Variants in DMD observed in about 807,000 individuals in gnomAD.
The protein encoded by DMD is mutant dystrophin.
DMD carries 63 observed loss-of-function variants against 330.1 expected under a neutral mutation model. The ratio of observed to expected loss-of-function variants is 0.19; its 90% CI spans 0.16 to 0.24. The LOEUF is 0.24. Among genes scored for constraint, DMD ranks in the 10% least tolerant of loss-of-function variants. The probability of loss-of-function intolerance (pLI) is 1.00; values close to 1 mark genes in which losing one functional copy is unlikely to be tolerated. For missense variants in DMD, 3,344 were observed against 2,684.1 expected (o/e 1.25, Z -5.43); for synonymous variants, 1,223 against 959.8 (o/e 1.27, Z -5.07).
At chrX:33,104,374 C>T (rs780829240) in intron 1 of DMD, among the ~76,000 whole-genome samples, 3 of 111,390 alleles carry the variant, frequency 2.7e-5, no homozygotes, top group South Asian at 3.8e-4. Context: ...TCCAGATTGC[C>T]GGTTCCTGCC....
At chrX:32,597,638 C>A (rs2055714991) in intron 12 of DMD, among the ~76,000 whole-genome samples, 1 of 111,831 alleles carries the variant, frequency 8.9e-6, no homozygotes, top group Non-Finnish European at 1.9e-5. Flanking sequence ...TCATTTCCCC[C>A]TATTAAGTGA....
chrX:31,904,802 C>CTATG (rs763236797), intron 47 of DMD, among the ~76,000 whole-genome samples: 131 of 111,797 alleles, frequency 1.2e-3, no homozygotes, highest in African/African-American at 4.0e-3. Context: ...TATGGATAAT[C>CTATG]TATGCCTAGA....
intron 52 of DMD, among the ~76,000 whole-genome samples, chrX:31,686,282 C>T (rs771806173): frequency 7.1e-5 from 8 of 112,441 alleles, no homozygotes; most frequent in Non-Finnish European, 1.3e-4. Flanking sequence ...ATTATCCCCA[C>T]TTTCTCTTTA....
intron 1 of DMD, among the ~76,000 whole-genome samples, chrX:33,282,134 G>T (rs973538975): frequency 1.8e-5 from 2 of 110,647 alleles, no homozygotes; most frequent in Non-Finnish European, 3.8e-5. Flanking sequence ...GTATCTCTGG[G>T]TGGGGAAGAG....
chrX:32,338,366 GTC>G (rs1336974844), intron 41 of DMD, among the ~76,000 whole-genome samples: 1 of 109,807 alleles, frequency 9.1e-6, no homozygotes, highest in Admixed American at 9.8e-5. Context: ...ATGAAATATT[GTC>G]TCTTCCCCAT....
intron 1 of DMD, among the ~76,000 whole-genome samples, chrX:33,281,800 C>T (rs776786717): frequency 1.9e-4 from 20 of 106,763 alleles, no homozygotes; most frequent in Non-Finnish European, 3.5e-4. Context: ...GAGTATTTCT[C>T]GTGTTATTGA....
intron 12 of DMD, among the ~76,000 whole-genome samples, chrX:32,598,951 T>C (rs1165159288): frequency 9.0e-6 from 1 of 111,391 alleles, no homozygotes; most frequent in Non-Finnish European, 1.9e-5. Context: ...CGTTGAAGAG[T>C]CCAGAGTGCT....
intron 2 of DMD, among the ~76,000 whole-genome samples, chrX:32,877,154 G>C (rs946804565): frequency 8.9e-6 from 1 of 111,767 alleles, no homozygotes; most frequent in Non-Finnish European, 1.9e-5. Flanking sequence ...AAACAAAGAA[G>C]TATCATTACA....
At chrX:31,344,559 AAGAG>A (rs964011725) in intron 61 of DMD, among the ~76,000 whole-genome samples, 1 of 111,577 alleles carries the variant, frequency 9.0e-6, no homozygotes, top group Non-Finnish European at 1.9e-5. Flanking sequence ...TTTAAAAGAA[AAGAG>A]AGAGGCCGGG....
intron 73 of DMD, among the ~76,000 whole-genome samples, chrX:31,171,733 C>T (rs1016712085): frequency 2.7e-5 from 3 of 111,364 alleles, no homozygotes; most frequent in African/African-American, 9.8e-5. Context: ...CTCTTAGCAC[C>T]GCTCTATCTC....
chrX:31,658,721 T>C (rs2080935961), intron 53 of DMD, among the ~76,000 whole-genome samples: 1 of 112,485 alleles, frequency 8.9e-6, no homozygotes, highest in Admixed American at 9.4e-5. Context: ...AGAATCTTAC[T>C]AAACCAAATC....
At chrX:33,175,605 G>GA (rs1279531112) in intron 1 of DMD, among the ~76,000 whole-genome samples, 2 of 111,748 alleles carry the variant, frequency 1.8e-5, no homozygotes, top group Non-Finnish European at 3.8e-5. Context: ...CACTTTACAG[G>GA]AAAAAAGCAC....
At chrX:32,739,338 A>T (rs2068931637) in intron 7 of DMD, among the ~76,000 whole-genome samples, 1 of 111,828 alleles carries the variant, frequency 8.9e-6, no homozygotes, top group Admixed American at 9.5e-5. Context: ...CTAATGTGGC[A>T]AAATCAGGAA....
chrX:32,812,845 G>T (rs2077469277), intron 6 of DMD, among the ~76,000 whole-genome samples: 1 of 111,421 alleles, frequency 9.0e-6, no homozygotes, highest in African/African-American at 3.3e-5. Context: ...TTTAAAAATT[G>T]TAGAATATTT....
At chrX:32,591,960 C>T (rs778389131) in intron 13 of DMD, among the ~76,000 whole-genome samples, 4 of 112,670 alleles carry the variant, frequency 3.6e-5, no homozygotes, top group South Asian at 3.7e-4. Context: ...TGTGTGTGCT[C>T]GGGACAGTGC....
At chrX:32,414,332 G>C (rs1211111328) in intron 29 of DMD, among the ~76,000 whole-genome samples, 1 of 111,533 alleles carries the variant, frequency 9.0e-6, no homozygotes. Flanking sequence ...GTATTTTTTT[G>C]ATTTGACAAG....
chrX:31,954,164 G>A lies in DMD; in HGVS notation c.6614+14175C>T, dbSNP rs190268796. Among the ~76,000 whole-genome samples, 407 of 111,403 alleles carry A rather than the reference G, an allele frequency of 3.7e-3. 1 individual carries two copies. The highest frequency in any genetic ancestry group is 0.014 in the Middle Eastern group (3 of 217). ...CCACGTGACCCATATTCGTTAAAGAGTTACACCAACAGAGAATCAGCCCAG... is the reference window on the plus strand; with the variant it reads ...CCACGTGACCCATATTCGTTAAAGAATTACACCAACAGAGAATCAGCCCAG... On this transcript the variant is annotated intron_variant, in intron 45 of 78. Coordinates refer to ENST00000357033, the MANE Select transcript of DMD (RefSeq NM_004006.3).
chrX:32,864,418 G>A (rs1427206559), intron 2 of DMD, among the ~76,000 whole-genome samples: 1 of 112,169 alleles, frequency 8.9e-6, no homozygotes, highest in Admixed American at 9.5e-5. Flanking sequence ...TCAGGGGCAA[G>A]GGTTAGGTGA....
intron 57 of DMD, among the ~76,000 whole-genome samples, chrX:31,496,176 A>C (rs1217244374): frequency 8.9e-6 from 1 of 112,180 alleles, no homozygotes; most frequent in Non-Finnish European, 1.9e-5. Context: ...AAGACCAACT[A>C]ACCAAAGTAA....
Sources: allele counts gnomAD v4.1 joint callset (sites outside exome capture counted in the v4.1 genomes callset), GRCh38; gene constraint gnomAD v4.1.1; transcripts MANE v1.5; gene names NCBI Gene and HGNC (gene_info 2026-07-23, HGNC 2026-07-21).